Variants in RFX4 observed in about 807,000 individuals in gnomAD.
The protein encoded by RFX4 is regulatory factor X4.
Under a neutral mutation model 95.0 loss-of-function variants are expected in RFX4, and 10 were observed. The ratio of observed to expected loss-of-function variants is 0.11; its 90% CI spans 0.06 to 0.18. The LOEUF is 0.18. Among genes scored for constraint, RFX4 ranks in the 10% least tolerant of loss-of-function variants. The probability of loss-of-function intolerance (pLI) is 1.00; values close to 1 mark genes in which losing one functional copy is unlikely to be tolerated. For synonymous variants in RFX4, 321 were observed against 340.7 expected (o/e 0.94, Z 0.64); for missense variants, 640 against 922.0 (o/e 0.69, Z 3.96).
intron 14 of RFX4, among the ~76,000 whole-genome samples, chr12:106,732,648 C>T (rs889100807): frequency 6.6e-6 from 1 of 151,888 alleles, no homozygotes; most frequent in Non-Finnish European, 1.5e-5. Flanking sequence ...TGCAGTGAGC[C>T]GAGTGTGCGC....
In RFX4 at chr12:106,754,809, C is replaced by T. The variant is rs964840515; in HGVS notation, c.1935+4016C>T. 3.9e-5 allele frequency among the ~76,000 whole-genome samples: 6 copies of T among 152,204 alleles called. No individual in the cohort carries two copies. The East Asian group carries it at 1.2e-3, about 29-fold the overall frequency. ...TAGGCCAGGCTCTTCGCCACCATGCCTTGTGACTCTTAGACGAGTGCCTCT... is the reference window on the plus strand; with the variant it reads ...TAGGCCAGGCTCTTCGCCACCATGCTTTGTGACTCTTAGACGAGTGCCTCT... On this transcript the variant is annotated intron_variant, in intron 17 of 17. Transcript: ENST00000392842.
intron 2 of RFX4, among the ~76,000 whole-genome samples, chr12:106,631,626 T>C (rs2040417380): frequency 6.6e-6 from 1 of 152,160 alleles, no homozygotes. Flanking sequence ...AAGACAGCTG[T>C]CTTTGAACCA....
intron 13 of RFX4, among the ~76,000 whole-genome samples, chr12:106,729,293 C>A (rs577434788): frequency 2.6e-5 from 4 of 152,248 alleles, no homozygotes; most frequent in Non-Finnish European, 5.9e-5. Context: ...GAGACCCTTT[C>A]CTTATTTGAT....
chr12:106,662,531 A>G (rs1251193997), intron 4 of RFX4, among the ~76,000 whole-genome samples: 1 of 152,126 alleles, frequency 6.6e-6, no homozygotes, highest in East Asian at 1.9e-4. Flanking sequence ...TTCTCTTGAC[A>G]TTGTCTTTCA....
chr12:106,753,864 G>A (rs955013595), intron 17 of RFX4, among the ~76,000 whole-genome samples: 2 of 152,186 alleles, frequency 1.3e-5, no homozygotes, highest in African/African-American at 4.8e-5. Flanking sequence ...AGGAAGCTAC[G>A]GAGTGGTAAG....
intron 17 of RFX4, among the ~76,000 whole-genome samples, chr12:106,760,298 T>G (rs951628526): frequency 6.6e-6 from 1 of 152,168 alleles, no homozygotes; most frequent in African/African-American, 2.4e-5. Flanking sequence ...CCATAGCTCC[T>G]CCCCTTCCTC....
intron 15 of RFX4, among the ~76,000 whole-genome samples, chr12:106,746,197 A>T (rs1489138357): frequency 1.3e-5 from 2 of 152,076 alleles, no homozygotes; most frequent in African/African-American, 2.4e-5. Context: ...CTCTACTAAA[A>T]ATACAAATAT....
intron 4 of RFX4, among the ~76,000 whole-genome samples, chr12:106,677,855 C>T (rs2041426092): frequency 6.6e-6 from 1 of 152,028 alleles, no homozygotes; most frequent in Non-Finnish European, 1.5e-5. Context: ...AGAGAAGGGG[C>T]TAGGTTCAGG....
intron 2 of RFX4, among the ~76,000 whole-genome samples, chr12:106,633,615 A>G (rs1005656314): frequency 6.6e-6 from 1 of 152,192 alleles, no homozygotes; most frequent in African/African-American, 2.4e-5. Context: ...TCAGGCTTGG[A>G]TGAGTCAAGT....
intron 8 of RFX4, among the ~76,000 whole-genome samples, chr12:106,700,803 C>A: frequency 6.6e-6 from 1 of 152,104 alleles, no homozygotes; most frequent in East Asian, 1.9e-4. Flanking sequence ...CCCTATTTGT[C>A]CTCCCATTTT....
At chr12:106,730,678 C>CA (rs1262756919) in intron 13 of RFX4, among the ~76,000 whole-genome samples, 1 of 151,632 alleles carries the variant, frequency 6.6e-6, no homozygotes, top group Non-Finnish European at 1.5e-5. Flanking sequence ...GACAGAATGA[C>CA]AAAAAAAATA....
rs1443795120 is a variant in RFX4 at position 106,687,182 on chromosome 12, T to TCTCTCTCACACA, written c.591+86_591+87insTCTCTCACACAC. On this transcript the variant is annotated intron_variant, in intron 6 of 17. Coordinates refer to ENST00000392842, the MANE Select transcript of RFX4 (RefSeq NM_213594.3). ...CTCTGTCTCTATCTCTCTCTCTCTCTCACACACACACACACACACACACAC... is the reference window on the plus strand; with the variant it reads ...CTCTGTCTCTATCTCTCTCTCTCTCTCTCTCTCACACACACACACACACACACACACACACAC... 18 of 547,210 alleles carry TCTCTCTCACACA rather than the reference T, an allele frequency of 3.3e-5. No individual in the cohort carries two copies. In the African/African-American group the frequency reaches 3.6e-4, roughly 11 times the overall value. 33.9% of individuals were successfully genotyped at this position (547,210 alleles called of 1,614,324 possible). A position where few individuals can be genotyped will look rare whatever the true frequency, so the allele number is the denominator to read the frequency against.
intron 2 of RFX4, among the ~76,000 whole-genome samples, chr12:106,609,637 T>A (rs1243030555): frequency 6.6e-6 from 1 of 152,190 alleles, no homozygotes; most frequent in African/African-American, 2.4e-5. Flanking sequence ...CCCTCCTGAG[T>A]CTTAGCTGGC....
chr12:106,645,899 G>C (rs1405940533), intron 3 of RFX4: 1 of 1,289,032 alleles, frequency 7.8e-7, no homozygotes, highest in Non-Finnish European at 1.0e-6. Flanking sequence ...AGATGTGACT[G>C]TGTCCCTCCG....
At chr12:106,695,768 C>T (rs1015691085) in intron 7 of RFX4, among the ~76,000 whole-genome samples, 6 of 152,114 alleles carry the variant, frequency 3.9e-5, no homozygotes, top group Admixed American at 6.5e-5. Context: ...CAATCTTTGA[C>T]GCACAAATTT....
At chr12:106,708,418 C>T (rs552317158) in intron 8 of RFX4, among the ~76,000 whole-genome samples, 63 of 150,586 alleles carry the variant, frequency 4.2e-4, no homozygotes, top group African/African-American at 1.5e-3. Flanking sequence ...GAATTGGAGG[C>T]GTAAGGGTCT....
At position 106,608,777 on chromosome 12, in the gene RFX4, T is replaced by C; in HGVS notation, c.44-20T>C. On this transcript the variant is annotated intron_variant, in intron 1 of 17. Coordinates refer to ENST00000392842, the MANE Select transcript of RFX4 (RefSeq NM_213594.3). ...TTTTTCTTTTTCTTTTCTTTCTTTCTTTCTTTTTTTTTTTTTTAGAGAGCT... is the reference window on the plus strand; with the variant it reads ...TTTTTCTTTTTCTTTTCTTTCTTTCCTTCTTTTTTTTTTTTTTAGAGAGCT... The C allele has an allele frequency of 6.4e-7, 1 of 1,553,552 alleles. No individual in the cohort carries two copies. The highest frequency in any genetic ancestry group is 8.6e-7 in the Non-Finnish European group (1 of 1,159,552).
intron 13 of RFX4, among the ~76,000 whole-genome samples, chr12:106,725,188 G>C (rs972516598): frequency 6.6e-6 from 1 of 152,082 alleles, no homozygotes; most frequent in Non-Finnish European, 1.5e-5. Flanking sequence ...AGTTCCACGT[G>C]CAAGTGCCCC....
intron 1 of RFX4, among the ~76,000 whole-genome samples, chr12:106,598,836 C>A (rs528516558): frequency 2.6e-5 from 4 of 151,964 alleles, no homozygotes; most frequent in African/African-American, 4.8e-5. Flanking sequence ...TGATTCTTTT[C>A]CTAATTTTAT....
Sources: gnomAD v4.1 joint callset for allele counts (sites outside exome capture counted in the v4.1 genomes callset) on GRCh38, gnomAD v4.1.1 for gene constraint, MANE v1.5 for transcripts, NCBI Gene and HGNC (gene_info 2026-07-23, HGNC 2026-07-21) for gene names.